The following ADD3 variants were observed in gnomAD, a reference collection of about 807,000 sequenced individuals.
ADD3 encodes adducin 3.
A neutral mutation model predicts 80.2 loss-of-function variants in ADD3; 25 were observed. The observed-to-expected ratio is 0.31, with a 90% CI of 0.23 to 0.44. ADD3 has a LOEUF of 0.44. ADD3 is among the 20% of genes least tolerant of loss of function. The pLI, the probability that ADD3 is intolerant of heterozygous loss-of-function variation, is 1.00. For synonymous variants in ADD3, 284 were observed against 289.6 expected (o/e 0.98, Z 0.20); for missense variants, 829 against 847.5 (o/e 0.98, Z 0.27).
chr10:110,076,205 C>T (rs1845355253), intron 1 of ADD3, among the ~76,000 whole-genome samples: 4 of 151,970 alleles, frequency 2.6e-5, no homozygotes, highest in Admixed American at 2.0e-4. Context: ...TCTGAATATG[C>T]GTATACAGAA....
At chr10:110,106,254 TA>T (rs1232838201) in intron 2 of ADD3, among the ~76,000 whole-genome samples, 1 of 152,018 alleles carries the variant, frequency 6.6e-6, no homozygotes, top group African/African-American at 2.4e-5. Flanking sequence ...TTATCAGTGT[TA>T]TTATCTGAGT....
chr10:109,999,952 A>G (rs61881587), intron 1 of ADD3, among the ~76,000 whole-genome samples: 3 of 148,922 alleles, frequency 2.0e-5, no homozygotes, highest in East Asian at 2.0e-4. Context: ...CAGAGTCTCA[A>G]TGTGACACCC....
chr10:110,088,602 G>C (rs1159159039), intron 1 of ADD3, among the ~76,000 whole-genome samples: 1 of 152,216 alleles, frequency 6.6e-6, no homozygotes, highest in African/African-American at 2.4e-5. Flanking sequence ...CTGCTTTGCA[G>C]TTGCAGTGTG....
intron 1 of ADD3, among the ~76,000 whole-genome samples, chr10:110,018,930 C>A (rs928711939): frequency 6.6e-6 from 1 of 152,076 alleles, no homozygotes; most frequent in Non-Finnish European, 1.5e-5. Flanking sequence ...ATAGGAATAT[C>A]CTTATACATC....
chr10:110,073,157 T>TTTTTTC (rs1323879619), intron 1 of ADD3, among the ~76,000 whole-genome samples: 2 of 147,156 alleles, frequency 1.4e-5, no homozygotes, highest in African/African-American at 5.2e-5. Flanking sequence ...TTTTTTTTTT[T>TTTTTTC]TTCGAGACTG....
intron 1 of ADD3, among the ~76,000 whole-genome samples, chr10:110,010,308 T>C (rs975172995): frequency 6.6e-6 from 1 of 152,182 alleles, no homozygotes; most frequent in African/African-American, 2.4e-5. Context: ...GGTTAATCTC[T>C]CCCATTTCAA....
At chr10:110,008,584 C>T (rs767291067) in intron 1 of ADD3, among the ~76,000 whole-genome samples, 17 of 152,130 alleles carry the variant, frequency 1.1e-4, no homozygotes, top group East Asian at 3.9e-4. Flanking sequence ...CGGGTGGGCC[C>T]GACGCTTCGC....
At chr10:110,121,652 C>T (rs751437281) in intron 8 of ADD3, among the ~76,000 whole-genome samples, 2 of 152,190 alleles carry the variant, frequency 1.3e-5, no homozygotes, top group Non-Finnish European at 2.9e-5. Context: ...ATGGTTCCTC[C>T]TCTTCTCAAA....
intron 1 of ADD3, among the ~76,000 whole-genome samples, chr10:110,099,240 TA>T (rs879303349): frequency 1.2e-3 from 172 of 143,784 alleles, no homozygotes; most frequent in African/African-American, 1.4e-3. Context: ...AAACTCTATT[TA>T]AAAAAAAAAA....
chr10:110,013,766 A>G (rs1288582745), intron 1 of ADD3, among the ~76,000 whole-genome samples: 1 of 152,208 alleles, frequency 6.6e-6, no homozygotes, highest in East Asian at 1.9e-4. Context: ...TTCAGATGGA[A>G]TGAAAGAGGA....
intron 1 of ADD3, among the ~76,000 whole-genome samples, chr10:110,036,129 C>A (rs1057025391): frequency 4.2e-4 from 64 of 151,974 alleles, no homozygotes; most frequent in African/African-American, 1.5e-3. Context: ...CCAGCGTGGG[C>A]AACAGAACGA....
intron 3 of ADD3, among the ~76,000 whole-genome samples, chr10:110,115,677 A>T (rs1850647062): frequency 6.6e-6 from 1 of 152,216 alleles, no homozygotes; most frequent in Non-Finnish European, 1.5e-5. Flanking sequence ...GAGTTCTAGG[A>T]ATGAGGCAGT....
At chr10:110,037,148 AGGAAAT>A (rs1855756808) in intron 1 of ADD3, among the ~76,000 whole-genome samples, 1 of 152,242 alleles carries the variant, frequency 6.6e-6, no homozygotes, top group South Asian at 2.1e-4. Flanking sequence ...TTTATATGAT[AGGAAAT>A]GGAACATTTC....
intron 6 of ADD3, 44 bp downstream of exon 6, chr10:110,118,780 T>C (rs1851101141): frequency 6.3e-7 from 1 of 1,586,382 alleles, no homozygotes; most frequent in Non-Finnish European, 8.6e-7. Flanking sequence ...CTGGAAGATG[T>C]ATTATTTTTG....
At chr10:110,070,943 GTTTT>G (rs11340876) in intron 1 of ADD3, among the ~76,000 whole-genome samples, 2 of 103,406 alleles carry the variant, frequency 1.9e-5, no homozygotes, top group African/African-American at 8.5e-5. Flanking sequence ...CATCATGTGG[GTTTT>G]TTTTTTTGTT....
chr10:110,024,930 C>CT (rs769862106), intron 1 of ADD3, among the ~76,000 whole-genome samples: 2,111 of 141,434 alleles, frequency 0.015, 40 homozygotes, highest in African/African-American at 0.041. Flanking sequence ...CTCCTCTTTT[C>CT]TTTTTTTTTT....
rs746908862 is a variant in ADD3 at position 110,130,547 on chromosome 10, C to G, written c.1732+61C>G. Reference sequence around the variant, plus strand: ...ACACTGATAACAATAAAGTACCTCACGTTGGATGATAGAAAGCAGTCAGTG... The same window carrying G: ...ACACTGATAACAATAAAGTACCTCAGGTTGGATGATAGAAAGCAGTCAGTG... On this transcript the variant is annotated intron_variant, in intron 13 of 14. Coordinates refer to ENST00000356080, the MANE Select transcript of ADD3 (RefSeq NM_016824.5). The G allele has an allele frequency of 5.1e-6, 8 of 1,561,968 alleles. No homozygotes were observed. In the South Asian group the frequency reaches 7.0e-5, roughly 14 times the overall value.
At chr10:110,069,154 G>A (rs1564922768) in intron 1 of ADD3, among the ~76,000 whole-genome samples, 2 of 151,978 alleles carry the variant, frequency 1.3e-5, no homozygotes, top group Non-Finnish European at 2.9e-5. Context: ...AACCTGGCAA[G>A]GAATCTTTAA....
At chr10:110,078,311 G>C (rs560103686) in intron 1 of ADD3, among the ~76,000 whole-genome samples, 1 of 152,182 alleles carries the variant, frequency 6.6e-6, no homozygotes, top group African/African-American at 2.4e-5. Flanking sequence ...TTCTAGCTTT[G>C]AGTACCCTAA....
Sources: gnomAD v4.1 joint callset for allele counts (sites outside exome capture counted in the v4.1 genomes callset) on GRCh38, gnomAD v4.1.1 for gene constraint, MANE v1.5 for transcripts, NCBI Gene and HGNC (gene_info 2026-07-23, HGNC 2026-07-21) for gene names.